CSMD1: variants seen among roughly 807,000 people sequenced by gnomAD.
The protein encoded by CSMD1 is CUB and Sushi multiple domains 1.
CSMD1 carries 213 observed loss-of-function variants against 417.5 expected under a neutral mutation model. The observed-to-expected ratio is 0.51, with a 90% CI of 0.46 to 0.57. The LOEUF (loss-of-function observed/expected upper bound fraction) is 0.57, where lower values mean the gene tolerates loss of function less well. Ranked by LOEUF, CSMD1 falls within the 20% of genes least tolerant of loss-of-function variation. CSMD1 has a pLI of 0.00. For missense variants in CSMD1, 6,923 were observed against 4,529.7 expected, an observed-to-expected ratio of 1.53 and a Z score of -15.17; for synonymous variants, 2,862 against 1,736.8, an observed-to-expected ratio of 1.65 and a Z score of -16.11.
intron 3 of CSMD1, among the ~76,000 whole-genome samples, chr8:4,342,012 G>A (rs962963334): frequency 6.6e-6 from 1 of 152,104 alleles, no homozygotes; most frequent in Non-Finnish European, 1.5e-5. Context: ...GTCATTTTAA[G>A]ACTTGGTCTC....
rs529619062 is a variant in CSMD1 at position 3,433,914 on chromosome 8, G to C, written c.1562-24309C>G. Among the ~76,000 whole-genome samples the C allele has an allele frequency of 1.5e-4, 23 of 152,268 alleles. No homozygotes were observed. In the South Asian group the frequency reaches 4.3e-3, roughly 29 times the overall value. On this transcript the variant is annotated intron_variant, in intron 12 of 69. Coordinates refer to ENST00000635120, the MANE Select transcript of CSMD1 (RefSeq NM_033225.6). ...TCAGCTAGAAAGTTCCCTGGACTAA[G>C]GTGCTCAACCCTGCAAAATCTCAGA...
intron 3 of CSMD1, among the ~76,000 whole-genome samples, chr8:4,172,230 G>A (rs1412297619): frequency 6.6e-6 from 1 of 151,982 alleles, no homozygotes; most frequent in Non-Finnish European, 1.5e-5. Flanking sequence ...CAAGAGAATA[G>A]GGTCAAGTCT....
intron 49 of CSMD1, among the ~76,000 whole-genome samples, chr8:3,058,475 C>T (rs1445081256): frequency 6.6e-6 from 1 of 152,172 alleles, no homozygotes; most frequent in Non-Finnish European, 1.5e-5. Context: ...TTTCAATAAA[C>T]ATGATCCTTT....
chr8:3,542,039 A>G (rs1174880713), intron 10 of CSMD1, among the ~76,000 whole-genome samples: 2 of 152,136 alleles, frequency 1.3e-5, no homozygotes, highest in Non-Finnish European at 2.9e-5. Context: ...ATTTGTTGTT[A>G]ATTATCTACT....
chr8:4,462,490 C>A (rs957999486), intron 2 of CSMD1, among the ~76,000 whole-genome samples: 1 of 152,094 alleles, frequency 6.6e-6, no homozygotes, highest in Non-Finnish European at 1.5e-5. Flanking sequence ...CATTAACAAG[C>A]TGATCCTAAA....
At chr8:4,214,852 C>A (rs938934612) in intron 3 of CSMD1, among the ~76,000 whole-genome samples, 1 of 151,888 alleles carries the variant, frequency 6.6e-6, no homozygotes, top group African/African-American at 2.4e-5. Context: ...CTATGACCAC[C>A]AGGTTTAGAT....
At chr8:3,789,854 C>A (rs1407574550) in intron 5 of CSMD1, among the ~76,000 whole-genome samples, 4 of 151,706 alleles carry the variant, frequency 2.6e-5, no homozygotes, top group Non-Finnish European at 5.9e-5. Flanking sequence ...GCCTCAGCCT[C>A]CCAAGTAGCT....
At chr8:4,618,370 G>A (rs186039456) in intron 2 of CSMD1, among the ~76,000 whole-genome samples, 1 of 152,036 alleles carries the variant, frequency 6.6e-6, no homozygotes, top group Admixed American at 6.6e-5. Flanking sequence ...TGTCTGCAAT[G>A]GAACAGTTTA....
chr8:3,987,487 T>G (rs1024714995), intron 5 of CSMD1, among the ~76,000 whole-genome samples: 1 of 152,198 alleles, frequency 6.6e-6, no homozygotes, highest in African/African-American at 2.4e-5. Flanking sequence ...ATGAGTATCT[T>G]TAATCTCCTT....
chr8:3,290,102 G>T (rs1325544785), intron 25 of CSMD1, among the ~76,000 whole-genome samples: 1 of 146,852 alleles, frequency 6.8e-6, no homozygotes, highest in Non-Finnish European at 1.5e-5. Context: ...CCCATTGCTT[G>T]TTTTTGTCAG....
intron 10 of CSMD1, among the ~76,000 whole-genome samples, chr8:3,498,041 A>T (rs1402201415): frequency 6.6e-6 from 1 of 152,020 alleles, no homozygotes; most frequent in Non-Finnish European, 1.5e-5. Context: ...TATTCTTACA[A>T]CTCTAATGTA....
At chr8:4,278,992 A>T (rs1336666517) in intron 3 of CSMD1, among the ~76,000 whole-genome samples, 1 of 152,222 alleles carries the variant, frequency 6.6e-6, no homozygotes, top group Admixed American at 6.5e-5. Flanking sequence ...CTATATTGTT[A>T]TAACTATTTA....
chr8:3,563,523 C>G (rs1417389559), intron 10 of CSMD1, among the ~76,000 whole-genome samples: 1 of 150,158 alleles, frequency 6.7e-6, no homozygotes, highest in Non-Finnish European at 1.5e-5. Context: ...GTATTTACAC[C>G]TCCCTGTATC....
intron 6 of CSMD1, among the ~76,000 whole-genome samples, chr8:3,718,865 A>G (rs752300190): frequency 1.6e-4 from 24 of 152,242 alleles, no homozygotes; most frequent in Admixed American, 2.6e-4. Context: ...GAATTTAAAG[A>G]TTGTTTTACT....
intron 3 of CSMD1, among the ~76,000 whole-genome samples, chr8:4,388,152 A>C (rs1452983808): frequency 1.3e-5 from 2 of 152,174 alleles, no homozygotes; most frequent in Admixed American, 1.3e-4. Context: ...TACTTCTACC[A>C]ACAGTCCCAC....
chr8:3,363,359 T>A (rs970368263), intron 20 of CSMD1, among the ~76,000 whole-genome samples: 4 of 152,176 alleles, frequency 2.6e-5, no homozygotes, highest in Non-Finnish European at 2.9e-5. Context: ...GGGAAAGGAA[T>A]AATTTTGGTG....
At chr8:3,072,243 G>A (rs776037389) in intron 49 of CSMD1, among the ~76,000 whole-genome samples, 56 of 152,164 alleles carry the variant, frequency 3.7e-4, no homozygotes, top group Non-Finnish European at 7.2e-4. Context: ...ACATGGAAGA[G>A]TCCAATTAAT....
At chr8:4,600,795 A>C (rs544380185) in intron 2 of CSMD1, among the ~76,000 whole-genome samples, 1 of 152,312 alleles carries the variant, frequency 6.6e-6, no homozygotes, top group Non-Finnish European at 1.5e-5. Flanking sequence ...TTCAGACGTA[A>C]GAAATCAATC....
intron 3 of CSMD1, among the ~76,000 whole-genome samples, chr8:4,321,975 T>C (rs1427063774): frequency 1.3e-5 from 2 of 152,208 alleles, no homozygotes; most frequent in African/African-American, 2.4e-5. Context: ...ACCAGGGTCA[T>C]AGACATTGTT....
Sources: allele counts gnomAD v4.1 joint callset (sites outside exome capture counted in the v4.1 genomes callset), GRCh38; gene constraint gnomAD v4.1.1; transcripts MANE v1.5; gene names NCBI Gene and HGNC (gene_info 2026-07-23, HGNC 2026-07-21).